LMX1B: variants seen among roughly 807,000 people sequenced by gnomAD.
LMX1B encodes the protein LIM homeobox transcription factor 1 beta.
LMX1B carries 12 observed loss-of-function variants against 51.4 expected under a neutral mutation model. That is an observed-to-expected ratio of 0.23 (90% CI 0.15 to 0.38). The LOEUF is 0.38. Among genes scored for constraint, LMX1B ranks in the 10% least tolerant of loss-of-function variants. The probability of loss-of-function intolerance (pLI) is 1.00; values close to 1 mark genes in which losing one functional copy is unlikely to be tolerated. For missense variants in LMX1B, 445 were observed against 571.1 expected, an observed-to-expected ratio of 0.78 and a Z score of 2.25; for synonymous variants, 237 against 235.4, an observed-to-expected ratio of 1.01 and a Z score of -0.06.
At chr9:126,622,357 AG>A (rs1438267309) in intron 2 of LMX1B, among the ~76,000 whole-genome samples, 1 of 151,992 alleles carries the variant, frequency 6.6e-6, no homozygotes, top group Non-Finnish European at 1.5e-5. Flanking sequence ...AACTGTGGGG[AG>A]GTGGCTAGCT....
intron 2 of LMX1B, among the ~76,000 whole-genome samples, chr9:126,628,676 AC>A (rs1393793839): frequency 6.6e-6 from 1 of 152,188 alleles, no homozygotes; most frequent in Non-Finnish European, 1.5e-5. Flanking sequence ...ATCCTTATTA[AC>A]ATTCTCTAAA....
chr9:126,624,846 G>A (rs1564147000), intron 2 of LMX1B, among the ~76,000 whole-genome samples: 1 of 152,052 alleles, frequency 6.6e-6, no homozygotes, highest in African/African-American at 2.4e-5. Context: ...AATTATAGGC[G>A]AGCCATATCC....
At position 126,614,046 on chromosome 9, in the gene LMX1B, G is replaced by GC. The variant is rs531328889; in HGVS notation, c.-396dup. Among the ~76,000 whole-genome samples the GC allele has an allele frequency of 0.017, 1,805 of 104,628 alleles. 50 individuals carry two copies. The highest frequency in any genetic ancestry group is 0.032 in the African/African-American group (934 of 29,184). 68.6% of individuals were successfully genotyped at this position (104,628 alleles called of 152,430 possible). A position where few individuals can be genotyped will look rare whatever the true frequency, so the allele number is the denominator to read the frequency against. Reference sequence around the variant, plus strand: ...CGCCCGGGACCCCGCTGCGCCGCGCGCCCCCCCCGCGGCCCGCGGGGCCGC... The same window carrying GC: ...CGCCCGGGACCCCGCTGCGCCGCGCGCCCCCCCCCGCGGCCCGCGGGGCCGC... On this transcript the variant is annotated 5_prime_UTR_variant, in exon 1 of 8. Transcript: ENST00000373474.
intron 2 of LMX1B, among the ~76,000 whole-genome samples, chr9:126,633,006 C>T (rs1331742458): frequency 6.6e-6 from 1 of 152,242 alleles, no homozygotes; most frequent in Non-Finnish European, 1.5e-5. Context: ...ATGTCCCAGA[C>T]ACTTGCCCAC....
Position 126,696,480 on chromosome 9 carries a change from C to T in LMX1B, c.*29C>T, listed in dbSNP as rs538930814. On this transcript the variant is annotated 3_prime_UTR_variant, in exon 8 of 8. Transcript: ENST00000373474. The stretch of plus-strand genomic sequence containing the variant: ...CCAGCCAGGCGCACGGACGCTTGGG[C>T]AGGGGCCTGGGGGGGACTGCCAGCC... The T allele has an allele frequency of 5.0e-6, 8 of 1,613,062 alleles. No individual in the cohort carries two copies. In the South Asian group the frequency reaches 8.8e-5, roughly 18 times the overall value.
At chr9:126,614,645 G>T (rs2118819806) in intron 1 of LMX1B, 57 bp downstream of exon 1, 1 of 1,469,804 alleles carries the variant, frequency 6.8e-7, no homozygotes, top group Non-Finnish European at 9.0e-7. Context: ...GGCGTCGTCC[G>T]GCTGTGGACA....
At chr9:126,632,011 A>G (rs765157343) in intron 2 of LMX1B, among the ~76,000 whole-genome samples, 18 of 152,116 alleles carry the variant, frequency 1.2e-4, no homozygotes, top group Admixed American at 5.9e-4. Flanking sequence ...TCGTACTGAA[A>G]GAAAGTATAA....
intron 2 of LMX1B, among the ~76,000 whole-genome samples, chr9:126,620,230 C>T (rs906933489): frequency 6.6e-6 from 1 of 152,120 alleles, no homozygotes; most frequent in Non-Finnish European, 1.5e-5. Context: ...CCTTTCCCTT[C>T]GTAGGACACT....
rs1167642396 is a variant in LMX1B, at chr9:126,700,863, A to G, written c.*4412A>G. On this transcript the variant is annotated 3_prime_UTR_variant, in exon 8 of 8. Coordinates refer to ENST00000373474, the MANE Select transcript of LMX1B (RefSeq NM_001174147.2). ...CACCCGCCATCCCCAGACACATTTTATTTAATAACTTGTCATTGTTAAATT... is the reference window on the plus strand; with the variant it reads ...CACCCGCCATCCCCAGACACATTTTGTTTAATAACTTGTCATTGTTAAATT... 6 of 152,174 alleles carry G rather than the reference A, an allele frequency of 3.9e-5. No individual in the cohort carries two copies. Among genetic ancestry groups the G allele is most frequent in the Non-Finnish European group, 1.5e-5 (1 of 68,030 alleles). The allele number at this position is 152,174 out of a possible 1,614,324, so 9.4% of individuals were successfully genotyped here. A position where few individuals can be genotyped will look rare whatever the true frequency, so the allele number is the denominator to read the frequency against.
intron 2 of LMX1B, among the ~76,000 whole-genome samples, chr9:126,635,499 A>C (rs1835698619): frequency 6.6e-6 from 1 of 152,256 alleles, no homozygotes; most frequent in South Asian, 2.1e-4. Flanking sequence ...GTCACAGCAC[A>C]GTCACACACA....
intron 2 of LMX1B, among the ~76,000 whole-genome samples, chr9:126,633,334 T>C (rs1835663099): frequency 6.6e-6 from 1 of 152,186 alleles, no homozygotes; most frequent in Admixed American, 6.5e-5. Flanking sequence ...CCAGGGTACC[T>C]CCAAGCCTGG....
chr9:126,647,724 C>A lies in LMX1B; in HGVS notation c.326+32155C>A, dbSNP rs377573327. Among the ~76,000 whole-genome samples the A allele has an allele frequency of 1.4e-4, 22 of 152,346 alleles. No individual in the cohort carries two copies. The East Asian group carries it at 2.1e-3, about 15-fold the overall frequency. On this transcript the variant is annotated intron_variant, in intron 2 of 7. Coordinates refer to ENST00000373474, the MANE Select transcript of LMX1B (RefSeq NM_001174147.2). Reference sequence around the variant, plus strand: ...GGCTCCTGCACAGGGCAGTGTGGAGCCCTGGCCCAAGCATGAGGTTACTAG... The same window carrying A: ...GGCTCCTGCACAGGGCAGTGTGGAGACCTGGCCCAAGCATGAGGTTACTAG...
At chr9:126,665,042 T>C (rs1305498562) in intron 2 of LMX1B, among the ~76,000 whole-genome samples, 1 of 152,266 alleles carries the variant, frequency 6.6e-6, no homozygotes, top group African/African-American at 2.4e-5. Context: ...TCCTTAGCGC[T>C]GTGCTTGCGT....
chr9:126,666,718 G>A (rs1010570674), intron 2 of LMX1B, among the ~76,000 whole-genome samples: 1 of 152,180 alleles, frequency 6.6e-6, no homozygotes, highest in African/African-American at 2.4e-5. Flanking sequence ...GAGAGACTCT[G>A]AAGACTTCTG....
Position 126,671,589 on chromosome 9 carries a change from C to G in LMX1B, c.327-19247C>G, listed in dbSNP as rs573214575. ...GCCGCAAAAACACAGACACCCCAGA[C>G]GGGGCACTGCTCCAGGCCGGCTCTG... On this transcript the variant is annotated intron_variant, in intron 2 of 7. Coordinates refer to ENST00000373474, the MANE Select transcript of LMX1B (RefSeq NM_001174147.2). This position sits in a 1 kb window ranked among gnomAD's most constrained non-coding sequence, Gnocchi z 4.4. 1.3e-5 allele frequency among the ~76,000 whole-genome samples: 2 copies of G among 152,344 alleles called. No individual in the cohort carries two copies. Among genetic ancestry groups the G allele is most frequent in the East Asian group, 3.9e-4 (2 of 5,178 alleles).
At chr9:126,662,961 G>A (rs1443842433) in intron 2 of LMX1B, among the ~76,000 whole-genome samples, 1 of 152,202 alleles carries the variant, frequency 6.6e-6, no homozygotes, top group Admixed American at 6.5e-5. Context: ...CAAACACACT[G>A]CTGGCAAGGA....
intron 2 of LMX1B, among the ~76,000 whole-genome samples, chr9:126,645,843 CTGGAACCCCAACTGCTT>C (rs1002963437): frequency 1.8e-4 from 28 of 152,072 alleles, no homozygotes; most frequent in Non-Finnish European, 3.1e-4. Context: ...CAAGAGAGCT[CTGGAACCCCAACTGCTT>C]TGTGGAGGAT....
At chr9:126,649,356 C>G (rs1029422862) in intron 2 of LMX1B, among the ~76,000 whole-genome samples, 4 of 152,198 alleles carry the variant, frequency 2.6e-5, no homozygotes, top group African/African-American at 9.7e-5. Flanking sequence ...CTCAAGACCT[C>G]TAGGAATCTT....
intron 2 of LMX1B, among the ~76,000 whole-genome samples, chr9:126,687,214 TC>T (rs2029928427): frequency 8.5e-6 from 1 of 118,194 alleles, no homozygotes; most frequent in South Asian, 2.7e-4. Flanking sequence ...GGATGATCAT[TC>T]CCTTTTTTTT....
Sources: gnomAD v4.1 joint callset for allele counts (sites outside exome capture counted in the v4.1 genomes callset) on GRCh38, gnomAD v4.1.1 for gene constraint, Gnocchi (gnomAD v3.1) non-coding constraint, MANE v1.5 for transcripts, NCBI Gene and HGNC (gene_info 2026-07-23, HGNC 2026-07-21) for gene names.